Variants in PRMT3 observed in about 807,000 individuals in gnomAD.
PRMT3 encodes the protein protein arginine methyltransferase 3.
A neutral mutation model predicts 71.9 loss-of-function variants in PRMT3; 62 were observed. The observed-to-expected ratio is 0.86, with a 90% CI of 0.70 to 1.07. The LOEUF (loss-of-function observed/expected upper bound fraction) is 1.07, where lower values mean the gene tolerates loss of function less well. PRMT3 is among the 50% of genes least tolerant of loss of function. The pLI is 0.00. For synonymous variants in PRMT3, 213 were observed against 220.4 expected, an observed-to-expected ratio of 0.97 and a Z score of 0.30; for missense variants, 663 against 643.0, an observed-to-expected ratio of 1.03 and a Z score of -0.34.
chr11:20,453,616 T>G (rs1176750654), intron 11 of PRMT3, among the ~76,000 whole-genome samples: 2 of 152,210 alleles, frequency 1.3e-5, no homozygotes, highest in East Asian at 3.8e-4. Context: ...TCACTTTATT[T>G]TCTGCAACCA....
Position 20,441,797 on chromosome 11 carries a change from T to C in PRMT3, c.994-10333T>C, listed in dbSNP as rs528526231. ...CCTACAATAGTTTCAGGTTTTTTTT[T>C]TTTTTTTTTTTTGAGATGGAGTTTT... On this transcript the variant is annotated intron_variant, in intron 10 of 15. Transcript: ENST00000331079. 8.0e-5 allele frequency among the ~76,000 whole-genome samples: 12 copies of C among 150,912 alleles called. No individual in the cohort carries two copies. In the South Asian group the frequency reaches 1.9e-3, roughly 24 times the overall value.
At chr11:20,500,575 A>C (rs1200011708) in intron 15 of PRMT3, among the ~76,000 whole-genome samples, 1 of 152,206 alleles carries the variant, frequency 6.6e-6, no homozygotes, top group East Asian at 1.9e-4. Context: ...AATAATCCAG[A>C]AATAGACCTG....
intron 9 of PRMT3, among the ~76,000 whole-genome samples, chr11:20,424,633 G>A (rs1849501981): frequency 6.6e-6 from 1 of 152,134 alleles, no homozygotes; most frequent in Non-Finnish European, 1.5e-5. Flanking sequence ...CCTTAGATAT[G>A]TCACCAAAAG....
chr11:20,407,695 C>G (rs369074879), intron 8 of PRMT3: 2 of 361,208 alleles, frequency 5.5e-6, no homozygotes, highest in African/African-American at 4.2e-5. Flanking sequence ...AATTTCAATA[C>G]GTAATGGAAA....
chr11:20,481,018 C>G (rs1003847696), intron 13 of PRMT3, among the ~76,000 whole-genome samples: 5 of 152,060 alleles, frequency 3.3e-5, no homozygotes, highest in African/African-American at 1.2e-4. Context: ...GGCCCAGATA[C>G]ATAAGAGTAG....
intron 13 of PRMT3, among the ~76,000 whole-genome samples, chr11:20,474,495 C>T (rs1850730583): frequency 6.6e-6 from 1 of 152,234 alleles, no homozygotes; most frequent in Non-Finnish European, 1.5e-5. Context: ...GTATGCAAAA[C>T]TCCTGAGTCT....
At chr11:20,430,274 A>C (rs892057282) in intron 10 of PRMT3, among the ~76,000 whole-genome samples, 1 of 152,182 alleles carries the variant, frequency 6.6e-6, no homozygotes, top group African/African-American at 2.4e-5. Context: ...TATACCCTCC[A>C]GAATTGGGCA....
intron 9 of PRMT3, among the ~76,000 whole-genome samples, chr11:20,422,185 C>A (rs532525985): frequency 2.0e-5 from 3 of 152,134 alleles, no homozygotes; most frequent in Non-Finnish European, 4.4e-5. Flanking sequence ...TGATGTGTTT[C>A]CCTGATTGTT....
At chr11:20,467,937 C>G (rs1279681682) in intron 13 of PRMT3, among the ~76,000 whole-genome samples, 1 of 152,212 alleles carries the variant, frequency 6.6e-6, no homozygotes, top group Non-Finnish European at 1.5e-5. Flanking sequence ...CTTACCCTCC[C>G]TCCTACAGAC....
chr11:20,498,633 G>A (rs896652111), intron 15 of PRMT3, among the ~76,000 whole-genome samples: 1 of 152,142 alleles, frequency 6.6e-6, no homozygotes, highest in African/African-American at 2.4e-5. Flanking sequence ...GGGAGGCCGA[G>A]GCACAAGAAT....
At chr11:20,497,715 C>T (rs1048864759) in intron 15 of PRMT3, among the ~76,000 whole-genome samples, 1 of 152,142 alleles carries the variant, frequency 6.6e-6, no homozygotes, top group South Asian at 2.1e-4. Context: ...TGCACAAGGT[C>T]AGGCAAAGTA....
chr11:20,439,582 G>A (rs1849839920), intron 10 of PRMT3, among the ~76,000 whole-genome samples: 1 of 152,144 alleles, frequency 6.6e-6, no homozygotes. Context: ...CAATTTTAAT[G>A]TACATTGCAG....
At chr11:20,469,813 C>A (rs1850600245) in intron 13 of PRMT3, among the ~76,000 whole-genome samples, 1 of 151,900 alleles carries the variant, frequency 6.6e-6, no homozygotes, top group Non-Finnish European at 1.5e-5. Flanking sequence ...AGCATTTTTT[C>A]TTTTATTCTA....
chr11:20,490,641 TG>T (rs1851184396), intron 13 of PRMT3, among the ~76,000 whole-genome samples: 1 of 152,134 alleles, frequency 6.6e-6, no homozygotes, highest in Non-Finnish European at 1.5e-5. Context: ...TTCAGATACA[TG>T]AAGAGAAGCA....
intron 15 of PRMT3, among the ~76,000 whole-genome samples, chr11:20,507,815 A>C (rs952156837): frequency 6.6e-6 from 1 of 151,670 alleles, no homozygotes; most frequent in Non-Finnish European, 1.5e-5. Context: ...TGCTCTAAAA[A>C]ATGAATATTG....
intron 15 of PRMT3, among the ~76,000 whole-genome samples, chr11:20,502,751 C>G (rs1590116404): frequency 6.6e-6 from 1 of 152,064 alleles, no homozygotes; most frequent in Non-Finnish European, 1.5e-5. Context: ...ATTTTTAACA[C>G]TCAAAAGGCA....
At chr11:20,469,128 A>G (rs2133412847) in intron 13 of PRMT3, among the ~76,000 whole-genome samples, 1 of 152,288 alleles carries the variant, frequency 6.6e-6, no homozygotes, top group African/African-American at 2.4e-5. Context: ...TTGCTTTTAC[A>G]ATAGAGATGA....
Position 20,464,523 on chromosome 11 carries a change from A to T in PRMT3, c.1324A>T (p.Ile442Phe). 1.2e-6 allele frequency: 2 copies of T among 1,612,558 alleles called. No homozygotes were observed. Among genetic ancestry groups the T allele is most frequent in the Non-Finnish European group, 1.7e-6 (2 of 1,179,326 alleles). ...ATTTTCATCAGATTTTACCCTGAAA[A>T]TCACAAGGACATCCATGTGCACGGT... ...LEFSSDFTLK[I>F]TRTSMCTAIA... Residue 442 changes from isoleucine (I) to phenylalanine (F), a missense_variant, in exon 13 of 16, where the codon ATC becomes TTC. Coordinates refer to ENST00000331079, the MANE Select transcript of PRMT3 (RefSeq NM_005788.4).
chr11:20,476,201 A>T (rs1850779497), intron 13 of PRMT3, among the ~76,000 whole-genome samples: 1 of 151,624 alleles, frequency 6.6e-6, no homozygotes, highest in Non-Finnish European at 1.5e-5. Context: ...AATACAAAAA[A>T]TATTAGCCAG....
Sources: gnomAD v4.1 joint callset for allele counts (sites outside exome capture counted in the v4.1 genomes callset) on GRCh38, gnomAD v4.1.1 for gene constraint, MANE v1.5 for transcripts, NCBI Gene and HGNC (gene_info 2026-07-23, HGNC 2026-07-21) for gene names.